The following CHD9 variants were observed in gnomAD, a reference collection of about 807,000 sequenced individuals.
CHD9 encodes the protein ATP-dependent chromatin remodeler CHD9.
In CHD9, 77 loss-of-function variants were observed where a neutral mutation model predicts 316.1. That is an observed-to-expected ratio of 0.24 (90% CI 0.20 to 0.29). The LOEUF is 0.29. CHD9 is among the 10% of genes least tolerant of loss of function. The pLI, the probability that CHD9 is intolerant of heterozygous loss-of-function variation, is 1.00. For missense variants in CHD9, 2,763 were observed against 3,438.1 expected (o/e 0.80, Z 4.91); for synonymous variants, 1,129 against 1,158.3 (o/e 0.97, Z 0.51).
chr16:53,200,370 CAAAA>C (rs60076527), intron 2 of CHD9, among the ~76,000 whole-genome samples: 5 of 88,226 alleles, frequency 5.7e-5, no homozygotes, highest in Non-Finnish European at 6.5e-5. Flanking sequence ...TACTCTGTCT[CAAAA>C]AAAAAAAAAA....
At chr16:53,162,128 C>G in intron 2 of CHD9, among the ~76,000 whole-genome samples, 1 of 152,160 alleles carries the variant, frequency 6.6e-6, no homozygotes, top group Admixed American at 6.5e-5. Context: ...GTACGCTAAA[C>G]TATGTGTCAA....
intron 1 of CHD9, among the ~76,000 whole-genome samples, chr16:53,094,419 G>A (rs546661674): frequency 6.6e-6 from 1 of 152,214 alleles, no homozygotes; most frequent in East Asian, 1.9e-4. Flanking sequence ...GAACATGGCT[G>A]GGCCGGGGTG....
intron 1 of CHD9, among the ~76,000 whole-genome samples, chr16:53,095,600 C>T (rs1180392517): frequency 6.6e-6 from 1 of 152,150 alleles, no homozygotes; most frequent in Non-Finnish European, 1.5e-5. Context: ...CTATATGCAG[C>T]TTTCTTGGGT....
At chr16:53,120,867 G>A (rs962526870) in intron 1 of CHD9, among the ~76,000 whole-genome samples, 15 of 152,038 alleles carry the variant, frequency 9.9e-5, no homozygotes, top group African/African-American at 3.6e-4. Flanking sequence ...TTAGCTGGGT[G>A]TGGTGGTGCA....
At chr16:53,149,450 G>T (rs1328168182) in intron 1 of CHD9, among the ~76,000 whole-genome samples, 3 of 151,718 alleles carry the variant, frequency 2.0e-5, no homozygotes, top group Admixed American at 6.6e-5. Flanking sequence ...AAATTTTGTG[G>T]GTCTGTTAGG....
Position 53,217,912 on chromosome 16 carries a change from TTTTCTTTCTTTC to T in CHD9, c.1785-4696_1785-4685del, listed in dbSNP as rs138448097. ...ATACCACTGCGCCTGGCTTATACTC[TTTTCTTTCTTTC>T]TTTCTTTCTTTCTTTCTTTCTTTCT... On this transcript the variant is annotated intron_variant, in intron 3 of 38. Coordinates refer to ENST00000447540, the MANE Select transcript of CHD9 (RefSeq NM_001308319.2). Among the ~76,000 whole-genome samples, 718 of 144,286 alleles carry T rather than the reference TTTTCTTTCTTTC, an allele frequency of 5.0e-3. 5 individuals carry two copies. The highest frequency in any genetic ancestry group is 0.017 in the South Asian group (76 of 4,560). 94.7% of individuals were successfully genotyped at this position (144,286 alleles called of 152,430 possible).
intron 3 of CHD9, among the ~76,000 whole-genome samples, chr16:53,214,660 T>C (rs377455034): frequency 6.6e-6 from 1 of 152,172 alleles, no homozygotes; most frequent in East Asian, 1.9e-4. Flanking sequence ...ATGTAACTTA[T>C]TGCGAATTTC....
chr16:53,077,903 G>T (rs1030290581), intron 1 of CHD9, among the ~76,000 whole-genome samples: 1 of 152,022 alleles, frequency 6.6e-6, no homozygotes, highest in African/African-American at 2.4e-5. Context: ...CAAAAATCCC[G>T]TCTCTACTAA....
chr16:53,156,991 CTT>C lies in CHD9; in HGVS notation c.904_905del (p.Leu302IlefsTer2). The stretch of plus-strand genomic sequence containing the variant: ...CTTGCATCTAATCATACAAATCAGA[CTT>C]TATCTGATTTTACTGGAAGTAATTC... On this transcript the variant is annotated frameshift_variant, in exon 2 of 39. Transcript: ENST00000447540. LOFTEE classifies it high-confidence loss of function. The C allele has an allele frequency of 1.2e-6, 2 of 1,610,218 alleles. No individual in the cohort carries two copies. The highest frequency in any genetic ancestry group is 1.7e-6 in the Non-Finnish European group (2 of 1,176,964).
chr16:53,090,253 T>G (rs2035819091), intron 1 of CHD9, among the ~76,000 whole-genome samples: 1 of 152,048 alleles, frequency 6.6e-6, no homozygotes, highest in African/African-American at 2.4e-5. Flanking sequence ...AGCATGGAGG[T>G]TGCAGCTGAG....
At chr16:53,056,840 T>G (rs899668450) in intron 1 of CHD9, among the ~76,000 whole-genome samples, 24 of 152,208 alleles carry the variant, frequency 1.6e-4, no homozygotes, top group African/African-American at 5.8e-4. Flanking sequence ...AGGAAGAAAG[T>G]GCAGTAGATT....
At chr16:53,059,869 GT>G (rs556800064) in intron 1 of CHD9, among the ~76,000 whole-genome samples, 427 of 152,250 alleles carry the variant, frequency 2.8e-3, no homozygotes, top group Middle Eastern at 6.8e-3. Flanking sequence ...AAGTAACGTC[GT>G]TTCTTGTAAT....
intron 2 of CHD9, among the ~76,000 whole-genome samples, chr16:53,172,288 T>C (rs1362375123): frequency 3.3e-5 from 5 of 152,214 alleles, no homozygotes; most frequent in African/African-American, 1.2e-4. Context: ...TTCAATAGTA[T>C]GTACAGTTTG....
chr16:53,178,969 G>C (rs1331229158), intron 2 of CHD9, among the ~76,000 whole-genome samples: 1 of 151,954 alleles, frequency 6.6e-6, no homozygotes, highest in East Asian at 1.9e-4. Flanking sequence ...CTATGATCCT[G>C]CTTATGAATA....
chr16:53,307,705 G>C lies in CHD9; in HGVS notation c.6805G>C (p.Asp2269His), dbSNP rs1416389678. Residue 2269 changes from aspartate (D) to histidine (H), a missense_variant, in exon 33 of 39, where the codon GAC becomes CAC. Around this residue, in one of 15 missense-constraint regions of CHD9, gnomAD observed 663 missense variants for 751.2 expected, o/e 0.88. Transcript: ENST00000447540. ...GGATCGTGTGATGATCAATAGGTTG[G>C]ACAGTATTTGTCAAACAGTTCTGAA... ...PKDRVMINRL[D>H]SICQTVLKGK... The C allele has an allele frequency of 6.2e-7, 1 of 1,610,348 alleles. No individual in the cohort carries two copies. Among genetic ancestry groups the C allele is most frequent in the Admixed American group, 1.7e-5 (1 of 59,402 alleles).
chr16:53,317,745 G>C (rs1468309856), intron 36 of CHD9, among the ~76,000 whole-genome samples: 1 of 151,994 alleles, frequency 6.6e-6, no homozygotes, highest in Non-Finnish European at 1.5e-5. Flanking sequence ...AAAGATTGAT[G>C]CAATACTTTT....
chr16:53,121,300 A>T (rs1002098436), intron 1 of CHD9: 3 of 454,130 alleles, frequency 6.6e-6, no homozygotes, highest in African/African-American at 6.0e-5. Context: ...CTTGATTTAG[A>T]TGCAACTTCT....
intron 34 of CHD9, among the ~76,000 whole-genome samples, chr16:53,312,348 C>T (rs989673245): frequency 3.3e-5 from 5 of 151,996 alleles, no homozygotes; most frequent in Admixed American, 2.0e-4. Context: ...AGTTAATAAA[C>T]GTTGGAAAAG....
chr16:53,298,166 A>G (rs1133261), intron 30 of CHD9: 47,240 of 152,214 alleles, frequency 0.31, 7,495 homozygotes, highest in Middle Eastern at 0.39. Flanking sequence ...TGGAGGCAGG[A>G]GCATGAGGCG....
Sources: allele counts gnomAD v4.1 joint callset (sites outside exome capture counted in the v4.1 genomes callset), GRCh38; gene constraint gnomAD v4.1.1; regional missense constraint gnomAD v4.1.1; transcripts MANE v1.5; gene names NCBI Gene and HGNC (gene_info 2026-07-23, HGNC 2026-07-21).